Variants in KPNB1 observed in about 807,000 individuals in gnomAD.
KPNB1 encodes importin subunit beta-1.
KPNB1 carries 7 observed loss-of-function variants against 113.0 expected under a neutral mutation model. The observed-to-expected ratio is 0.06, with a 90% CI of 0.04 to 0.12. The LOEUF is 0.12. KPNB1 is among the 10% of genes least tolerant of loss of function. The pLI is 1.00. For synonymous variants in KPNB1, 363 were observed against 378.6 expected, an observed-to-expected ratio of 0.96 and a Z score of 0.48; for missense variants, 400 against 1,054.8, an observed-to-expected ratio of 0.38 and a Z score of 8.60.
intron 13 of KPNB1, 42 bp from the exon 14 acceptor site, chr17:47,673,448 G>C: frequency 6.6e-7 from 1 of 1,516,214 alleles, no homozygotes; most frequent in Non-Finnish European, 9.2e-7. Context: ...AGCAAAAGTG[G>C]AAGGTTTTCA....
chr17:47,669,593 T>C, intron 10 of KPNB1, 85 bp from the exon 11 acceptor site: 1 of 979,600 alleles, frequency 1.0e-6, no homozygotes, highest in South Asian at 1.7e-5. Context: ...AGTTAAGCCA[T>C]CCATCAGTAT....
intron 21 of KPNB1, among the ~76,000 whole-genome samples, chr17:47,681,461 A>G (rs1244272839): frequency 6.6e-6 from 1 of 151,106 alleles, no homozygotes; most frequent in Non-Finnish European, 1.5e-5. Flanking sequence ...TTTAGTAGAA[A>G]CAGGATTTCA....
In KPNB1 at chr17:47,680,679, T is replaced by TG; in HGVS notation, c.2630+11dup. The TG allele has an allele frequency of 3.7e-6, 6 of 1,612,202 alleles. No homozygotes were observed. Among genetic ancestry groups the TG allele is most frequent in the Non-Finnish European group, 4.2e-6 (5 of 1,178,864 alleles). On this transcript the variant is annotated intron_variant, in intron 21 of 21. Coordinates refer to ENST00000290158, the MANE Select transcript of KPNB1 (RefSeq NM_002265.6). ...TGAAGAACCAAGCTTGGTAAGATCTTGCCTCCACTGTCCTCTTTCTTCTAC... is the reference window on the plus strand; with the variant it reads ...TGAAGAACCAAGCTTGGTAAGATCTTGGCCTCCACTGTCCTCTTTCTTCTAC...
At chr17:47,670,622 A>G in intron 11 of KPNB1, 80 bp from the exon 12 acceptor site, 1 of 1,455,044 alleles carries the variant, frequency 6.9e-7, no homozygotes, top group East Asian at 2.3e-5. Flanking sequence ...GACACGGCCC[A>G]AAGTATCTTA....
In KPNB1 at chr17:47,682,665, A is replaced by G. The variant is rs1357517939; in HGVS notation, c.*261A>G. Reference sequence around the variant, plus strand: ...GGCCATCTTGGAAAAGAGAAAAACAATGGAGTTACTTATTTAAAAAAAAAG... The same window carrying G: ...GGCCATCTTGGAAAAGAGAAAAACAGTGGAGTTACTTATTTAAAAAAAAAG... On this transcript the variant is annotated 3_prime_UTR_variant, in exon 22 of 22. Transcript: ENST00000290158. The G allele has an allele frequency of 1.3e-5, 7 of 525,598 alleles. No homozygotes were observed. The Admixed American group carries it at 1.4e-4, about 11-fold the overall frequency. The allele number at this position is 525,598 out of a possible 1,614,324, so 32.6% of individuals were successfully genotyped here. A position where few individuals can be genotyped will look rare whatever the true frequency, so the allele number is the denominator to read the frequency against.
At chr17:47,679,582 G>A (rs940438329) in intron 19 of KPNB1, among the ~76,000 whole-genome samples, 7 of 152,202 alleles carry the variant, frequency 4.6e-5, no homozygotes, top group Admixed American at 3.9e-4. Flanking sequence ...ATAACTATAT[G>A]CATCTAGTTA....
intron 6 of KPNB1, 53 bp downstream of exon 6, chr17:47,661,231 C>G: frequency 7.7e-7 from 1 of 1,295,948 alleles, no homozygotes; most frequent in Non-Finnish European, 1.1e-6. Context: ...TAGGAAATGT[C>G]AAATCTAATA....
At chr17:47,659,577 AC>A (rs992311208) in intron 5 of KPNB1, among the ~76,000 whole-genome samples, 10 of 152,034 alleles carry the variant, frequency 6.6e-5, no homozygotes, top group African/African-American at 2.2e-4. Context: ...ACGTAACAAA[AC>A]CCTGTCTCTA....
At chr17:47,665,185 G>A (rs1249702745) in intron 9 of KPNB1, 27 bp downstream of exon 9, 3 of 1,546,612 alleles carry the variant, frequency 1.9e-6, no homozygotes, top group Admixed American at 1.7e-5. Context: ...ATATAGGTAG[G>A]TAAGCTGTGG....
chr17:47,656,096 A>C (rs1915708804), intron 3 of KPNB1, among the ~76,000 whole-genome samples: 1 of 152,116 alleles, frequency 6.6e-6, no homozygotes, highest in African/African-American at 2.4e-5. Flanking sequence ...TCTACTAAAA[A>C]TACAAAAACT....
chr17:47,675,361 G>GTTGTTTTTTTTTTTTTTTTT (rs1567894260), intron 15 of KPNB1, among the ~76,000 whole-genome samples: 13 of 88,692 alleles, frequency 1.5e-4, no homozygotes, highest in South Asian at 3.7e-4. Flanking sequence ...CAGAGGTGTT[G>GTTGTTTTTTTTTTTTTTTTT]TTTTTTTTTT....
At chr17:47,676,842 ATC>A (rs1349680199) in intron 16 of KPNB1, among the ~76,000 whole-genome samples, 176 bp from the exon 17 acceptor site, 1 of 127,638 alleles carries the variant, frequency 7.8e-6, no homozygotes, top group Non-Finnish European at 1.6e-5. Flanking sequence ...TTTATCAGTG[ATC>A]TCTCTCGGAT....
In KPNB1 at chr17:47,652,810, C is replaced by T; in HGVS notation, c.216C>T (p.Ile72=). Residue 72 remains isoleucine, a synonymous_variant, in exon 3 of 22, where the codon ATC becomes ATT. Coordinates refer to ENST00000290158, the MANE Select transcript of KPNB1 (RefSeq NM_002265.6). ...CTTTGACATCTAAAGATCCAGATAT[C>T]AAGGCACAATATCAGCAGAGGTGGC... ...KNSLTSKDPD[I]KAQYQQRWLA... 6.2e-7 allele frequency: 1 copy of T among 1,612,126 alleles called. No individual in the cohort carries two copies. Among genetic ancestry groups the T allele is most frequent in the South Asian group, 1.1e-5 (1 of 90,562 alleles).
At chr17:47,675,519 G>T (rs1597938105) in intron 15 of KPNB1, among the ~76,000 whole-genome samples, 1 of 151,682 alleles carries the variant, frequency 6.6e-6, no homozygotes, top group Admixed American at 6.6e-5. Context: ...GGGATTATAG[G>T]CATGAGCCAC....
At chr17:47,674,586 C>G (rs2030540849) in intron 14 of KPNB1, 52 bp from the exon 15 acceptor site, 1 of 1,560,722 alleles carries the variant, frequency 6.4e-7, no homozygotes, top group South Asian at 1.2e-5. Flanking sequence ...GTATAGTGTT[C>G]TGATTGGGAG....
chr17:47,673,621 T>A, intron 14 of KPNB1, 60 bp downstream of exon 14: 1 of 1,289,960 alleles, frequency 7.8e-7, no homozygotes, highest in South Asian at 1.2e-5. Context: ...TATCTCAGTA[T>A]AACAAGTTCG....
intron 5 of KPNB1, 61 bp downstream of exon 5, chr17:47,658,721 A>G: frequency 2.1e-6 from 3 of 1,460,316 alleles, no homozygotes; most frequent in Admixed American, 2.0e-5. Context: ...GTTGAATGAA[A>G]GTTTTTTGTT....
intron 10 of KPNB1, among the ~76,000 whole-genome samples, chr17:47,669,386 T>G (rs888265746): frequency 6.6e-6 from 1 of 152,122 alleles, no homozygotes; most frequent in Non-Finnish European, 1.5e-5. Flanking sequence ...CCTCCCAGAG[T>G]GCTGGGATTA....
At chr17:47,663,619 A>G (rs2030175018) in intron 7 of KPNB1, among the ~76,000 whole-genome samples, 1 of 152,074 alleles carries the variant, frequency 6.6e-6, no homozygotes, top group Non-Finnish European at 1.5e-5. Context: ...AGCCAAGATC[A>G]CGCCATTGCA....
Sources: allele counts gnomAD v4.1 joint callset (sites outside exome capture counted in the v4.1 genomes callset), GRCh38; gene constraint gnomAD v4.1.1; transcripts MANE v1.5; gene names NCBI Gene and HGNC (gene_info 2026-07-23, HGNC 2026-07-21).